NTM: variants seen among roughly 807,000 people sequenced by gnomAD.
NTM encodes neurotrimin, also known as IgLON family member 2.
Under a neutral mutation model 42.1 loss-of-function variants are expected in NTM, and 13 were observed. That is an observed-to-expected ratio of 0.31 (90% CI 0.20 to 0.49). The LOEUF (loss-of-function observed/expected upper bound fraction) is 0.49, where lower values mean the gene tolerates loss of function less well. Among genes scored for constraint, NTM ranks in the 20% least tolerant of loss-of-function variants. The probability of loss-of-function intolerance (pLI) is 0.99; values close to 1 mark genes in which losing one functional copy is unlikely to be tolerated. For missense variants in NTM, 373 were observed against 452.8 expected (o/e 0.82, Z 1.60); for synonymous variants, 187 against 179.2 (o/e 1.04, Z -0.35).
chr11:131,684,310 G>C (rs2073495323), intron 1 of NTM, among the ~76,000 whole-genome samples: 1 of 152,124 alleles, frequency 6.6e-6, no homozygotes, highest in African/African-American at 2.4e-5. Context: ...CTGGCTGGGT[G>C]GCAAGTGACG....
chr11:132,131,838 G>A (rs978975194), intron 2 of NTM, among the ~76,000 whole-genome samples: 1 of 152,116 alleles, frequency 6.6e-6, no homozygotes, highest in Admixed American at 6.6e-5. Flanking sequence ...GAGGCCCCCC[G>A]CTCCCACTGC....
chr11:131,672,260 G>A (rs2070431942), intron 1 of NTM, among the ~76,000 whole-genome samples: 1 of 152,212 alleles, frequency 6.6e-6, no homozygotes. Context: ...GCATAGCACA[G>A]GCCCGAATGC....
intron 1 of NTM, among the ~76,000 whole-genome samples, chr11:131,791,732 G>A (rs1353187291): frequency 6.6e-6 from 1 of 152,228 alleles, no homozygotes; most frequent in Non-Finnish European, 1.5e-5. Flanking sequence ...ATGAATGAAT[G>A]CATCAGTGAA....
At chr11:131,616,395 G>C (rs2061942895) in intron 1 of NTM, among the ~76,000 whole-genome samples, 1 of 152,194 alleles carries the variant, frequency 6.6e-6, no homozygotes, top group Non-Finnish European at 1.5e-5. Flanking sequence ...GGAGGCAAGG[G>C]AGAGAGCCAG....
intron 4 of NTM, among the ~76,000 whole-genome samples, chr11:132,304,510 C>T (rs534033320): frequency 3.9e-5 from 6 of 151,964 alleles, no homozygotes; most frequent in Admixed American, 3.9e-4. Flanking sequence ...TTAAACGAAA[C>T]TTTTCGTTGA....
intron 1 of NTM, among the ~76,000 whole-genome samples, chr11:131,617,390 T>C (rs1052107601): frequency 2.0e-5 from 3 of 152,234 alleles, no homozygotes; most frequent in Admixed American, 6.5e-5. Flanking sequence ...TTCCCGATTC[T>C]ACTGCGATTG....
intron 1 of NTM, among the ~76,000 whole-genome samples, chr11:131,410,536 A>AC (rs1282737225): frequency 6.7e-6 from 1 of 149,634 alleles, no homozygotes; most frequent in Non-Finnish European, 1.5e-5. Flanking sequence ...AAAAAAAAAA[A>AC]AAAAAAACAG....
chr11:131,922,510 C>G (rs1180160201), intron 2 of NTM, among the ~76,000 whole-genome samples: 5 of 152,228 alleles, frequency 3.3e-5, no homozygotes, highest in Admixed American at 3.3e-4. Context: ...AACTGCAAAC[C>G]TAGTACATCC....
intron 1 of NTM, among the ~76,000 whole-genome samples, chr11:131,693,651 G>C (rs571768045): frequency 6.6e-6 from 1 of 152,224 alleles, no homozygotes; most frequent in East Asian, 1.9e-4. Context: ...AATTCACTTG[G>C]TTTGTCATTT....
At chr11:132,153,290 A>G (rs984734580) in intron 3 of NTM, among the ~76,000 whole-genome samples, 4 of 152,194 alleles carry the variant, frequency 2.6e-5, no homozygotes, top group Non-Finnish European at 4.4e-5. Context: ...GACAAACACC[A>G]GATCCTGAAT....
intron 1 of NTM, among the ~76,000 whole-genome samples, chr11:131,688,005 A>C (rs967775774): frequency 2.6e-5 from 4 of 152,238 alleles, no homozygotes; most frequent in African/African-American, 9.6e-5. Context: ...TCTGAATGGA[A>C]ATAGTGGTGT....
intron 2 of NTM, among the ~76,000 whole-genome samples, chr11:132,133,691 C>A (rs528445204): frequency 1.3e-5 from 2 of 152,246 alleles, no homozygotes; most frequent in East Asian, 3.9e-4. Flanking sequence ...ATGGTGAGAA[C>A]GAGGCCTAAC....
At chr11:131,898,662 AG>A (rs1449099738) in intron 1 of NTM, among the ~76,000 whole-genome samples, 1 of 152,232 alleles carries the variant, frequency 6.6e-6, no homozygotes, top group East Asian at 1.9e-4. Context: ...AAATGTGAGA[AG>A]GGTGTTCTCA....
At chr11:131,865,795 CT>C in intron 1 of NTM, among the ~76,000 whole-genome samples, 1 of 148,350 alleles carries the variant, frequency 6.7e-6, no homozygotes. Flanking sequence ...ACACACACAC[CT>C]CCCACACTCA....
At chr11:132,209,864 G>A (rs927212380) in intron 3 of NTM, among the ~76,000 whole-genome samples, 3 of 152,200 alleles carry the variant, frequency 2.0e-5, no homozygotes, top group African/African-American at 4.8e-5. Flanking sequence ...TACAGCACAC[G>A]CTTATTAATG....
At chr11:131,983,619 G>T (rs966375447) in intron 2 of NTM, among the ~76,000 whole-genome samples, 2 of 152,000 alleles carry the variant, frequency 1.3e-5, no homozygotes, top group Non-Finnish European at 2.9e-5. Flanking sequence ...CAGGTAATCT[G>T]CCTGCCTCGG....
intron 1 of NTM, among the ~76,000 whole-genome samples, chr11:131,860,818 A>C (rs553890017): frequency 6.6e-6 from 1 of 152,296 alleles, no homozygotes; most frequent in East Asian, 1.9e-4. Flanking sequence ...TGATTTGCAC[A>C]ACCTTCATGG....
intron 2 of NTM, among the ~76,000 whole-genome samples, chr11:131,934,660 G>A (rs1026904246): frequency 6.6e-6 from 1 of 152,110 alleles, no homozygotes; most frequent in Non-Finnish European, 1.5e-5. Context: ...GTGGCTGGTG[G>A]GCTAGTGGAT....
At chr11:132,185,319 A>G (rs1238641791) in intron 3 of NTM, among the ~76,000 whole-genome samples, 1 of 152,168 alleles carries the variant, frequency 6.6e-6, no homozygotes, top group Non-Finnish European at 1.5e-5. Flanking sequence ...TTGAGATATC[A>G]AGGCTTTTAT....
Sources: allele counts gnomAD v4.1 joint callset (sites outside exome capture counted in the v4.1 genomes callset), GRCh38; gene constraint gnomAD v4.1.1; transcripts MANE v1.5; gene names NCBI Gene and HGNC (gene_info 2026-07-23, HGNC 2026-07-21).